ANKRD16: variants seen among roughly 807,000 people sequenced by gnomAD.
ANKRD16 encodes ankyrin repeat domain-containing protein 16.
ANKRD16 carries 35 observed loss-of-function variants against 37.9 expected under a neutral mutation model. The observed-to-expected ratio is 0.92, with a 90% CI of 0.71 to 1.23. The LOEUF (loss-of-function observed/expected upper bound fraction) is 1.23, where lower values mean the gene tolerates loss of function less well. Among genes scored for constraint, ANKRD16 ranks in the 50% most tolerant of loss-of-function variants. The pLI is 0.00. For synonymous variants in ANKRD16, 206 were observed against 197.2 expected (o/e 1.04, Z -0.37); for missense variants, 480 against 469.9 (o/e 1.02, Z -0.20).
chr10:5,868,676 G>A lies in ANKRD16; in HGVS notation c.*34-5985C>T, dbSNP rs536470582. On this transcript the variant is annotated intron_variant, in intron 7 of 7. Transcript: ENST00000380094. This position sits in a 1 kb window ranked among gnomAD's most constrained non-coding sequence, Gnocchi z 4.9. ...CCACTCGGGTCCCCTTCCACGCTGTGGAAGCTTTGTTCTTTTGCTCTTCAT... is the reference window on the plus strand; with the variant it reads ...CCACTCGGGTCCCCTTCCACGCTGTAGAAGCTTTGTTCTTTTGCTCTTCAT... 1.8e-4 allele frequency among the ~76,000 whole-genome samples: 27 copies of A among 152,268 alleles called. No homozygotes were observed. In the East Asian group the frequency reaches 5.0e-3, roughly 28 times the overall value.
intron 2 of ANKRD16, among the ~76,000 whole-genome samples, chr10:5,886,526 G>A (rs1465591431): frequency 6.6e-6 from 1 of 152,184 alleles, no homozygotes; most frequent in East Asian, 1.9e-4. Flanking sequence ...GCGAGGCAGA[G>A]GTTGCAGTGA....
rs2104285 is a variant in ANKRD16, at chr10:5,868,542, G to A, written c.*34-5851C>T. On this transcript the variant is annotated intron_variant, in intron 7 of 7. Coordinates refer to ENST00000380094, the MANE Select transcript of ANKRD16 (RefSeq NM_019046.3). This position sits in a 1 kb window ranked among gnomAD's most constrained non-coding sequence, Gnocchi z 4.9. ...AATCAGCGCTCTGTGTCTAGCTAAA[G>A]GATTGTAAACACACCAATCAGCACT... Among the ~76,000 whole-genome samples the A allele has an allele frequency of 6.6e-6, 1 of 151,970 alleles. No individual in the cohort carries two copies. The highest frequency in any genetic ancestry group is 2.4e-5 in the African/African-American group (1 of 41,356).
chr10:5,887,707 C>CCCCCCCA, intron 2 of ANKRD16, 140 bp downstream of exon 2: 4 of 191,100 alleles, frequency 2.1e-5, no homozygotes, highest in South Asian at 1.0e-4. Context: ...CCCCTCCCCC[C>CCCCCCCA]CAGATGTTCT....
chr10:5,889,343 G>A lies in ANKRD16; in HGVS notation c.12C>T (p.Pro4=), dbSNP rs1394376771. The change falls in exon 1 of 8, where the codon CCC becomes CCT. Residue 4 remains proline, a synonymous_variant. Transcript: ENST00000380094. Reference sequence around the variant, plus strand: ...GCCTGCAGAGGCGCCGCGGGTCCCCGGGCTGGGCCATCGCCGCGGGTCGGG... The same window carrying A: ...GCCTGCAGAGGCGCCGCGGGTCCCCAGGCTGGGCCATCGCCGCGGGTCGGG... MAQ[P]GDPRRLCRLV... The A allele has an allele frequency of 1.6e-6, 2 of 1,239,252 alleles. No individual in the cohort carries two copies. The highest frequency in any genetic ancestry group is 1.0e-6 in the Non-Finnish European group (1 of 994,454). 76.8% of individuals were successfully genotyped at this position (1,239,252 alleles called of 1,614,324 possible). A position where few individuals can be genotyped will look rare whatever the true frequency, so the allele number is the denominator to read the frequency against.
chr10:5,879,690 G>T (rs2131769938), intron 6 of ANKRD16, among the ~76,000 whole-genome samples: 1 of 152,312 alleles, frequency 6.6e-6, no homozygotes, highest in South Asian at 2.1e-4. Context: ...GTGTCATCAT[G>T]GATTAGAAAG....
At chr10:5,877,538 A>T (rs1482552394) in intron 7 of ANKRD16, among the ~76,000 whole-genome samples, 1 of 152,258 alleles carries the variant, frequency 6.6e-6, no homozygotes, top group Non-Finnish European at 1.5e-5. Context: ...TAGAATATAT[A>T]AAAGTTTTTA....
intron 2 of ANKRD16, among the ~76,000 whole-genome samples, chr10:5,885,986 ATTATC>A (rs1364898534): frequency 6.6e-6 from 1 of 152,242 alleles, no homozygotes; most frequent in East Asian, 1.9e-4. Flanking sequence ...CCAACACTTG[ATTATC>A]TTATCTTCAC....
At chr10:5,876,044 G>A (rs539020939) in intron 7 of ANKRD16, among the ~76,000 whole-genome samples, 23 of 152,026 alleles carry the variant, frequency 1.5e-4, no homozygotes, top group African/African-American at 2.2e-4. Context: ...CCACCACGCC[G>A]GGCTAATTGT....
intron 7 of ANKRD16, among the ~76,000 whole-genome samples, chr10:5,877,676 A>AT (rs1472388944): frequency 6.6e-6 from 1 of 152,252 alleles, no homozygotes; most frequent in Admixed American, 6.5e-5. Flanking sequence ...GGCCAACTGC[A>AT]TTTTATAGCT....
chr10:5,880,175 TAAAAAAAAAAAA>T (rs56264154), intron 6 of ANKRD16, 111 bp downstream of exon 6: 41 of 112,550 alleles, frequency 3.6e-4, no homozygotes, highest in Middle Eastern at 4.4e-3. Context: ...CCACCACCAC[TAAAAAAAAAAAA>T]AAAAAAAAAA....
rs1433532977 is a variant in ANKRD16, at chr10:5,887,708, C to CCCCCCCCG, written c.535+138_535+139insCGGGGGGG. On this transcript the variant is annotated intron_variant, in intron 2 of 7. Coordinates refer to ENST00000380094, the MANE Select transcript of ANKRD16 (RefSeq NM_019046.3). ...GCCCCCGCCCCCACCCCCTCCCCCC[C>CCCCCCCCG]AGATGTTCTTATTCTCTGCCTTCTG... The CCCCCCCCG allele has an allele frequency of 5.7e-4, 110 of 194,126 alleles. 5 individuals carry two copies. The East Asian group carries it at 0.011, about 19-fold the overall frequency. The allele number at this position is 194,126 out of a possible 1,614,324, so 12.0% of individuals were successfully genotyped here.
rs566693418 is a variant in ANKRD16 at position 5,881,513 on chromosome 10, G to A, written c.850-1137C>T. ...TGTAGTCTCACTCTGTTGCTTGGCT[G>A]GGGTGCAGTGGCATGATCTTGGCTC... is the stretch of plus-strand genomic sequence containing the variant. On this transcript the variant is annotated intron_variant, in intron 5 of 7. Coordinates refer to ENST00000380094, the MANE Select transcript of ANKRD16 (RefSeq NM_019046.3). Among the ~76,000 whole-genome samples the A allele has an allele frequency of 9.0e-5, 12 of 132,998 alleles. No homozygotes were observed. In the South Asian group the frequency reaches 3.1e-3, roughly 34 times the overall value. The allele number at this position is 132,998 out of a possible 152,430, so 87.3% of individuals were successfully genotyped here.
At chr10:5,875,090 GCAA>G (rs772787215) in intron 7 of ANKRD16, among the ~76,000 whole-genome samples, 5 of 152,128 alleles carry the variant, frequency 3.3e-5, no homozygotes, top group Admixed American at 6.6e-5. Flanking sequence ...GCACAGAGCA[GCAA>G]CAACGACGCC....
At chr10:5,885,609 TTTGAAAGCCTAA>T in intron 3 of ANKRD16, 102 bp downstream of exon 3, 11 of 1,121,796 alleles carry the variant, frequency 9.8e-6, no homozygotes, top group Non-Finnish European at 1.4e-5. Context: ...TCATTTTTCT[TTTGAAAGCCTAA>T]TTTTTTTCTT....
At chr10:5,880,877 AAACACAGACTCT>A (rs372825569) in intron 5 of ANKRD16, among the ~76,000 whole-genome samples, 32 of 152,176 alleles carry the variant, frequency 2.1e-4, no homozygotes, top group Middle Eastern at 3.4e-3. Flanking sequence ...TTCACACTTT[AAACACAGACTCT>A]AACATATATT....
intron 7 of ANKRD16, among the ~76,000 whole-genome samples, chr10:5,872,035 A>C (rs1842097928): frequency 6.6e-6 from 1 of 152,250 alleles, no homozygotes; most frequent in Middle Eastern, 3.4e-3. Flanking sequence ...AATTTGACAG[A>C]GATTACTCTG....
At position 5,878,816 on chromosome 10, in the gene ANKRD16, T is replaced by A. The variant is rs969775492; in HGVS notation, c.929-529A>T. Among the ~76,000 whole-genome samples, 6 of 151,156 alleles carry A rather than the reference T, an allele frequency of 4.0e-5. No individual in the cohort carries two copies. The highest frequency in any genetic ancestry group is 2.6e-4 in the Admixed American group (4 of 15,186). ...AAAAAAAAAAAGAAAAAGAAACTTA[T>A]CTAAAGCAAGAAGCAACAGAGCAAG... On this transcript the variant is annotated intron_variant, in intron 6 of 7. Transcript: ENST00000380094. The surrounding 1 kb of genome is among the most constrained non-coding windows in gnomAD (Gnocchi z 5.1).
intron 6 of ANKRD16, 105 bp downstream of exon 6, chr10:5,880,193 A>G: frequency 3.1e-6 from 1 of 318,750 alleles, no homozygotes; most frequent in South Asian, 6.3e-5. Flanking sequence ...AAAAAAAAAA[A>G]AAAAAAAAAA....
rs769877770 is a variant in ANKRD16 at position 5,869,457 on chromosome 10, G to A, written c.*34-6766C>T. Among the ~76,000 whole-genome samples the A allele has an allele frequency of 1.2e-4, 18 of 152,092 alleles. No homozygotes were observed. The highest frequency in any genetic ancestry group is 3.2e-3 in the Middle Eastern group (1 of 316). ...TGGGGGCCTGAGAAGCACTGCCCAGGCCTTTGCTCCCCTAATGGACTATTT... is the reference window on the plus strand; with the variant it reads ...TGGGGGCCTGAGAAGCACTGCCCAGACCTTTGCTCCCCTAATGGACTATTT... On this transcript the variant is annotated intron_variant, in intron 7 of 7. Transcript: ENST00000380094. The surrounding 1 kb of genome is among the most constrained non-coding windows in gnomAD (Gnocchi z 4.0).
Sources: allele counts gnomAD v4.1 joint callset (sites outside exome capture counted in the v4.1 genomes callset), GRCh38; gene constraint gnomAD v4.1.1; non-coding constraint Gnocchi (gnomAD v3.1); transcripts MANE v1.5; gene names NCBI Gene and HGNC (gene_info 2026-07-23, HGNC 2026-07-21).